Variants in SLC4A4 observed in about 807,000 individuals in gnomAD.
SLC4A4 encodes the protein electrogenic sodium bicarbonate cotransporter 1.
A neutral mutation model predicts 111.5 loss-of-function variants in SLC4A4; 27 were observed. The observed-to-expected ratio is 0.24, with a 90% CI of 0.18 to 0.33. The LOEUF is 0.33. Ranked by LOEUF, SLC4A4 falls within the 10% of genes least tolerant of loss-of-function variation. The probability of loss-of-function intolerance (pLI) is 1.00; values close to 1 mark genes in which losing one functional copy is unlikely to be tolerated. For synonymous variants in SLC4A4, 443 were observed against 463.4 expected (o/e 0.96, Z 0.57); for missense variants, 909 against 1,315.5 (o/e 0.69, Z 4.78).
chr4:71,505,854 A>G (rs1731368493), intron 16 of SLC4A4, among the ~76,000 whole-genome samples: 1 of 151,890 alleles, frequency 6.6e-6, no homozygotes, highest in South Asian at 2.1e-4. Flanking sequence ...ATCCATCTTG[A>G]GTTAATTTTT....
At chr4:71,366,315 T>TTTTGTGTGTGTGTG (rs1553898892) in intron 6 of SLC4A4, among the ~76,000 whole-genome samples, 1 of 137,914 alleles carries the variant, frequency 7.3e-6, no homozygotes. Flanking sequence ...TCTGGAGATA[T>TTTTGTGTGTGTGTG]TGTGTGTGTG....
intron 1 of SLC4A4, among the ~76,000 whole-genome samples, chr4:71,205,952 T>C (rs1449631751): frequency 6.6e-6 from 1 of 152,236 alleles, no homozygotes; most frequent in Non-Finnish European, 1.5e-5. Flanking sequence ...AAGGCAACTT[T>C]AATTGTGCAT....
intron 9 of SLC4A4, among the ~76,000 whole-genome samples, chr4:71,448,582 A>G (rs1319055457): frequency 6.6e-6 from 1 of 152,164 alleles, no homozygotes; most frequent in Non-Finnish European, 1.5e-5. Context: ...ATGGCAAAGT[A>G]TCTGTACAGG....
intron 3 of SLC4A4, among the ~76,000 whole-genome samples, chr4:71,273,887 A>C (rs7675006): frequency 0.015 from 2,268 of 152,160 alleles, 54 homozygotes; most frequent in African/African-American, 0.051. Context: ...ATACTGTCTG[A>C]CTCATGGAAC....
intron 2 of SLC4A4, among the ~76,000 whole-genome samples, chr4:71,110,509 T>A (rs1258971907): frequency 6.6e-6 from 1 of 152,180 alleles, no homozygotes; most frequent in Non-Finnish European, 1.5e-5. Context: ...CCTGGGCAAA[T>A]CTCATGGTAA....
At chr4:71,274,791 A>G (rs1722953718) in intron 3 of SLC4A4, among the ~76,000 whole-genome samples, 1 of 152,176 alleles carries the variant, frequency 6.6e-6, no homozygotes, top group Non-Finnish European at 1.5e-5. Flanking sequence ...GTCAGTGTGG[A>G]TAATCTCTAC....
At chr4:71,136,264 C>G (rs1743839853) in intron 2 of SLC4A4, among the ~76,000 whole-genome samples, 1 of 152,204 alleles carries the variant, frequency 6.6e-6, no homozygotes, top group Non-Finnish European at 1.5e-5. Flanking sequence ...CAGAGACCAG[C>G]AGAACTGGAT....
chr4:71,124,284 G>A (rs1252934289), intron 2 of SLC4A4, among the ~76,000 whole-genome samples: 2 of 150,732 alleles, frequency 1.3e-5, no homozygotes, highest in African/African-American at 4.9e-5. Context: ...CGATTCTCCT[G>A]CCTCAGCCTT....
At chr4:71,466,618 A>G in intron 13 of SLC4A4, 41 bp downstream of exon 13, 1 of 1,587,014 alleles carries the variant, frequency 6.3e-7, no homozygotes, top group African/African-American at 1.3e-5. Context: ...GAATTGCTTA[A>G]TTGTAGAACC....
intron 8 of SLC4A4, among the ~76,000 whole-genome samples, chr4:71,444,750 G>T (rs143897994): frequency 1.8e-3 from 278 of 152,302 alleles, no homozygotes; most frequent in Non-Finnish European, 3.0e-3. Context: ...GGATTGTTTT[G>T]TGTTCAGTTT....
intron 7 of SLC4A4, among the ~76,000 whole-genome samples, chr4:71,419,914 C>G (rs1457124702): frequency 6.6e-6 from 1 of 152,162 alleles, no homozygotes; most frequent in Non-Finnish European, 1.5e-5. Context: ...AAAACTAGAA[C>G]TCTAAAAAGC....
intron 1 of SLC4A4, among the ~76,000 whole-genome samples, chr4:71,078,429 AG>A (rs1212513008): frequency 6.6e-5 from 10 of 152,092 alleles, no homozygotes; most frequent in African/African-American, 1.9e-4. Flanking sequence ...GGGAAGTGGT[AG>A]AGTTTGTTCT....
chr4:71,493,232 TC>T (rs1730098356), intron 15 of SLC4A4, among the ~76,000 whole-genome samples: 1 of 152,034 alleles, frequency 6.6e-6, no homozygotes, highest in Non-Finnish European at 1.5e-5. Flanking sequence ...TATAAATATG[TC>T]CTAAATGTTA....
chr4:71,503,557 G>C (rs114439981), intron 16 of SLC4A4, among the ~76,000 whole-genome samples: 1 of 151,714 alleles, frequency 6.6e-6, no homozygotes, highest in Non-Finnish European at 1.5e-5. Context: ...CTTAACTTTG[G>C]TCACGTTAAA....
At chr4:71,491,471 T>TA (rs760841069) in intron 15 of SLC4A4, among the ~76,000 whole-genome samples, 9 of 152,038 alleles carry the variant, frequency 5.9e-5, no homozygotes, top group Admixed American at 2.0e-4. Flanking sequence ...GGGTTTTCAC[T>TA]AGGCACTCTG....
At position 71,357,966 on chromosome 4, in the gene SLC4A4, A is replaced by C. The variant is rs146104383; in HGVS notation, c.730+779A>C. ...GGTATGAAGGAAAGAACTACTAAGC[A>C]TTGGCTGATAGGATTAGGTCTATCC... On this transcript the variant is annotated intron_variant, in intron 6 of 25. Coordinates refer to ENST00000264485, the MANE Select transcript of SLC4A4 (RefSeq NM_001098484.3). 3.5e-4 allele frequency among the ~76,000 whole-genome samples: 53 copies of C among 152,292 alleles called. No homozygotes were observed. The East Asian group carries it at 9.3e-3, about 27-fold the overall frequency.
At chr4:71,363,348 G>T (rs964003312) in intron 6 of SLC4A4, among the ~76,000 whole-genome samples, 1 of 152,144 alleles carries the variant, frequency 6.6e-6, no homozygotes, top group Admixed American at 6.5e-5. Flanking sequence ...AGATCCAGAT[G>T]CCTTGACACT....
At chr4:71,089,526 T>C (rs574765670) in intron 1 of SLC4A4, among the ~76,000 whole-genome samples, 39 of 152,174 alleles carry the variant, frequency 2.6e-4, no homozygotes, top group African/African-American at 8.9e-4. Flanking sequence ...ATCTTTGTGG[T>C]TTTATCTACC....
intron 3 of SLC4A4, among the ~76,000 whole-genome samples, chr4:71,317,958 T>C (rs1726821618): frequency 6.6e-6 from 1 of 152,108 alleles, no homozygotes; most frequent in South Asian, 2.1e-4. Context: ...TCTTATTAAG[T>C]AATATTTCTA....
Sources: gnomAD v4.1 joint callset for allele counts (sites outside exome capture counted in the v4.1 genomes callset) on GRCh38, gnomAD v4.1.1 for gene constraint, MANE v1.5 for transcripts, NCBI Gene and HGNC (gene_info 2026-07-23, HGNC 2026-07-21) for gene names.